Variants in PRIM2 observed in about 807,000 individuals in gnomAD.
PRIM2 encodes DNA primase subunit 2, also known as DNA primase large subunit.
Under a neutral mutation model 67.3 loss-of-function variants are expected in PRIM2, and 39 were observed. That is an observed-to-expected ratio of 0.58 (90% confidence interval 0.45 to 0.76). The LOEUF is 0.76. Ranked by LOEUF, PRIM2 falls within the 30% of genes least tolerant of loss-of-function variation. The pLI is 0.00. For missense variants in PRIM2, 398 were observed against 598.7 expected (o/e 0.66, Z 3.50); for synonymous variants, 143 against 198.7 (o/e 0.72, Z 2.36).
At chr6:57,396,438 A>G (rs904565974) in intron 7 of PRIM2, among the ~76,000 whole-genome samples, 5 of 152,142 alleles carry the variant, frequency 3.3e-5, no homozygotes, top group African/African-American at 1.2e-4. Context: ...CTGTTGCTTT[A>G]AAGTTTGATT....
chr6:57,375,222 T>C (rs1285567763), intron 5 of PRIM2, among the ~76,000 whole-genome samples: 1 of 152,242 alleles, frequency 6.6e-6, no homozygotes, highest in South Asian at 2.1e-4. Context: ...ATGGCTCTTA[T>C]TATTTTGAGG....
chr6:57,572,826 T>C (rs1443818752), intron 10 of PRIM2, among the ~76,000 whole-genome samples: 4 of 152,212 alleles, frequency 2.6e-5, no homozygotes, highest in African/African-American at 9.6e-5. Context: ...TATTATAAGG[T>C]AAAACAAATT....
chr6:57,375,028 T>C (rs1769710808), intron 5 of PRIM2, among the ~76,000 whole-genome samples: 1 of 152,280 alleles, frequency 6.6e-6, no homozygotes, highest in Admixed American at 6.5e-5. Context: ...ATAGTTTGAC[T>C]TTCTCTCCTC....
rs887550 is a variant in PRIM2 at position 57,361,875 on chromosome 6, A to C, written c.460-18026A>C. On this transcript the variant is annotated intron_variant, in intron 5 of 13. Coordinates refer to ENST00000615550, the MANE Select transcript of PRIM2 (RefSeq NM_000947.5). ...AAAATAATCTGGTGTCAGAATATTT[A>C]ATATGGTCTACAAGGGTTATAGGGG... Among the ~76,000 whole-genome samples, 235 of 152,002 alleles carry C rather than the reference A, an allele frequency of 1.5e-3. 1 individual carries two copies. The highest frequency in any genetic ancestry group is 5.3e-3 in the African/African-American group (219 of 41,304).
At chr6:57,622,170 G>A (rs1290639661) in intron 12 of PRIM2, among the ~76,000 whole-genome samples, 25 of 151,962 alleles carry the variant, frequency 1.6e-4, no homozygotes, top group African/African-American at 5.8e-4. Flanking sequence ...TAATGGTATC[G>A]AAAAAAAGCA....
chr6:57,486,233 G>A (rs1773750270), intron 7 of PRIM2, among the ~76,000 whole-genome samples: 1 of 152,208 alleles, frequency 6.6e-6, no homozygotes, highest in Non-Finnish European at 1.5e-5. Context: ...AGTTGGGACT[G>A]TATATGGAGG....
intron 7 of PRIM2, among the ~76,000 whole-genome samples, chr6:57,489,927 GTT>G (rs1157953922): frequency 1.3e-4 from 16 of 127,578 alleles, no homozygotes; most frequent in African/African-American, 1.1e-4. Flanking sequence ...TGTTTTAAGT[GTT>G]TTTTTTTTTT....
At chr6:57,343,532 A>C (rs1364378028) in intron 5 of PRIM2, among the ~76,000 whole-genome samples, 1 of 152,204 alleles carries the variant, frequency 6.6e-6, no homozygotes, top group Admixed American at 6.5e-5. Flanking sequence ...GAGACAGGAC[A>C]CACAGATGTA....
chr6:57,450,904 T>C (rs1772522360), intron 7 of PRIM2, among the ~76,000 whole-genome samples: 1 of 152,160 alleles, frequency 6.6e-6, no homozygotes, highest in Non-Finnish European at 1.5e-5. Context: ...ATTGTTTCTT[T>C]CCTTAGCTTT....
At chr6:57,260,634 A>G in the PRIM2 span, among the ~76,000 whole-genome samples, 2 of 152,178 alleles carry the variant, frequency 1.3e-5, no homozygotes, top group Admixed American at 6.5e-5. Context: ...TTAAGTTTAC[A>G]TGAACCTGAA....
intron 9 of PRIM2, among the ~76,000 whole-genome samples, chr6:57,534,662 T>C (rs1289334664): frequency 6.6e-6 from 1 of 152,230 alleles, no homozygotes; most frequent in African/African-American, 2.4e-5. Context: ...AGTGGGTTTT[T>C]ATCATATGTA....
chr6:57,403,249 ATTTTTTTTTTTT>A (rs71299587), intron 7 of PRIM2, among the ~76,000 whole-genome samples: 1 of 110,202 alleles, frequency 9.1e-6, no homozygotes, highest in African/African-American at 3.6e-5. Context: ...CAGGTGAAGA[ATTTTTTTTTTTT>A]TTTTTTTTTT....
At chr6:57,518,292 C>A (rs1774529260) in intron 8 of PRIM2, among the ~76,000 whole-genome samples, 1 of 152,234 alleles carries the variant, frequency 6.6e-6, no homozygotes, top group Non-Finnish European at 1.5e-5. Context: ...TGCATCTTCT[C>A]AGGTCTTACT....
chr6:57,313,156 A>G (rs933023277), upstream of PRIM2, among the ~76,000 whole-genome samples: 3 of 152,124 alleles, frequency 2.0e-5, no homozygotes, highest in African/African-American at 7.2e-5. Context: ...CTAAATCCCA[A>G]GTTTTCTTCT....
chr6:57,230,260 G>A, the PRIM2 span, among the ~76,000 whole-genome samples: 1 of 152,100 alleles, frequency 6.6e-6, no homozygotes, highest in Non-Finnish European at 1.5e-5. Context: ...CTGAATTGGT[G>A]CGTATTCTAG....
intron 7 of PRIM2, among the ~76,000 whole-genome samples, chr6:57,495,520 C>T (rs1773982963): frequency 6.6e-6 from 1 of 152,144 alleles, no homozygotes; most frequent in Non-Finnish European, 1.5e-5. Context: ...TGTTGTTAGC[C>T]ATCTGGGGCT....
chr6:57,577,427 A>ATTTT (rs1161633688), intron 10 of PRIM2, among the ~76,000 whole-genome samples: 6 of 121,672 alleles, frequency 4.9e-5, no homozygotes, highest in South Asian at 5.2e-4. Context: ...TGGTATATAA[A>ATTTT]TTTTTTTTTT....
chr6:57,285,154 G>T, the PRIM2 span, among the ~76,000 whole-genome samples: 1 of 152,126 alleles, frequency 6.6e-6, no homozygotes, highest in Non-Finnish European at 1.5e-5. Context: ...GAAGAAAAAA[G>T]TCCAGGACTG....
intron 4 of PRIM2, among the ~76,000 whole-genome samples, chr6:57,324,918 G>A (rs1331743243): frequency 9.2e-5 from 14 of 151,980 alleles, no homozygotes; most frequent in Admixed American, 9.2e-4. Flanking sequence ...TGGTTCTAGA[G>A]TTTTTCTTCT....
Sources: allele counts gnomAD v4.1 joint callset (sites outside exome capture counted in the v4.1 genomes callset), GRCh38; gene constraint gnomAD v4.1.1; transcripts MANE v1.5; gene names NCBI Gene and HGNC (gene_info 2026-07-23, HGNC 2026-07-21).